The following TECRL variants were observed in gnomAD, a reference collection of about 807,000 sequenced individuals.
The protein encoded by TECRL is trans-2,3-enoyl-CoA reductase-like.
In TECRL, 63 loss-of-function variants were observed where a neutral mutation model predicts 52.8. The observed-to-expected ratio is 1.19, with a 90% CI of 0.97 to 1.47. The LOEUF is 1.47. Ranked by LOEUF, TECRL falls within the 40% of genes most tolerant of loss-of-function variation. The probability of loss-of-function intolerance (pLI) is 0.00; values close to 1 mark genes in which losing one functional copy is unlikely to be tolerated. For synonymous variants in TECRL, 164 were observed against 141.9 expected, an observed-to-expected ratio of 1.16 and a Z score of -1.10; for missense variants, 482 against 429.6, an observed-to-expected ratio of 1.12 and a Z score of -1.08.
chr4:64,404,723 G>C (rs1724592739), intron 1 of TECRL, among the ~76,000 whole-genome samples: 1 of 151,988 alleles, frequency 6.6e-6, no homozygotes, highest in Non-Finnish European at 1.5e-5. Flanking sequence ...TTTGTTTTCA[G>C]AATAAGCTGG....
intron 7 of TECRL, among the ~76,000 whole-genome samples, chr4:64,303,504 C>T (rs962145735): frequency 6.6e-6 from 1 of 151,686 alleles, no homozygotes; most frequent in Non-Finnish European, 1.5e-5. Context: ...TTACTGTTAT[C>T]TGTATCTATG....
intron 1 of TECRL, among the ~76,000 whole-genome samples, chr4:64,383,221 A>G (rs1241792436): frequency 6.6e-6 from 1 of 151,996 alleles, no homozygotes; most frequent in Non-Finnish European, 1.5e-5. Flanking sequence ...GATTTTTGAC[A>G]GTGTGATTAC....
intron 3 of TECRL, 85 bp downstream of exon 3, chr4:64,328,427 G>C (rs926653925): frequency 5.2e-6 from 6 of 1,147,460 alleles, no homozygotes; most frequent in Non-Finnish European, 7.7e-6. Flanking sequence ...TTGTATATTT[G>C]CAAAGTGATA....
At chr4:64,301,047 A>C (rs2109976282) in intron 7 of TECRL, among the ~76,000 whole-genome samples, 1 of 151,106 alleles carries the variant, frequency 6.6e-6, no homozygotes, top group East Asian at 1.9e-4. Context: ...TTGCATAGAT[A>C]TATATTCATA....
At chr4:64,373,063 A>C (rs939185778) in intron 2 of TECRL, among the ~76,000 whole-genome samples, 2 of 151,734 alleles carry the variant, frequency 1.3e-5, no homozygotes, top group African/African-American at 4.8e-5. Context: ...TCTTTCAAAA[A>C]TTGGCAAATA....
downstream of TECRL, among the ~76,000 whole-genome samples, chr4:64,277,430 T>C (rs1322648499): frequency 6.6e-6 from 1 of 151,920 alleles, no homozygotes; most frequent in East Asian, 1.9e-4. Context: ...TTAAATGATA[T>C]CATACAATTT....
At chr4:64,308,619 T>G (rs188793882) in intron 6 of TECRL, among the ~76,000 whole-genome samples, 1 of 152,180 alleles carries the variant, frequency 6.6e-6, no homozygotes, top group African/African-American at 2.4e-5. Flanking sequence ...AGAGCTTTTA[T>G]GTTGTTTAAT....
At chr4:64,292,363 A>G (rs1050469210) in intron 8 of TECRL, among the ~76,000 whole-genome samples, 1 of 152,014 alleles carries the variant, frequency 6.6e-6, no homozygotes, top group African/African-American at 2.4e-5. Flanking sequence ...ATTATCTTAC[A>G]TAATAAAACA....
intron 1 of TECRL, chr4:64,397,667 A>AT (rs1724048386): frequency 6.6e-6 from 1 of 151,900 alleles, no homozygotes; most frequent in Non-Finnish European, 1.5e-5. Flanking sequence ...TATGAGAAAT[A>AT]TTTTTTCTTT....
intron 2 of TECRL, among the ~76,000 whole-genome samples, chr4:64,338,553 C>T (rs1719304521): frequency 6.6e-6 from 1 of 151,986 alleles, no homozygotes; most frequent in South Asian, 2.1e-4. Context: ...GGCTTATATC[C>T]AGAATCTACA....
At chr4:64,310,792 A>T (rs1358786431) in intron 5 of TECRL, among the ~76,000 whole-genome samples, 1 of 152,042 alleles carries the variant, frequency 6.6e-6, no homozygotes, top group Non-Finnish European at 1.5e-5. Flanking sequence ...CAGTGGCATG[A>T]TCTCTCAGTC....
At chr4:64,385,731 A>G (rs1451406592) in intron 1 of TECRL, among the ~76,000 whole-genome samples, 1 of 152,070 alleles carries the variant, frequency 6.6e-6, no homozygotes, top group Non-Finnish European at 1.5e-5. Flanking sequence ...AGATGTGTGG[A>G]ACGCAATGTG....
chr4:64,298,095 G>A lies in TECRL; in HGVS notation c.774+1879C>T, dbSNP rs140533403. Among the ~76,000 whole-genome samples the A allele has an allele frequency of 9.0e-3, 1,364 of 150,886 alleles. 9 individuals are homozygous for A. The highest frequency in any genetic ancestry group is 0.014 in the Non-Finnish European group (935 of 67,204). On this transcript the variant is annotated intron_variant, in intron 8 of 11. Transcript: ENST00000381210. ...ATGCTATGTATAATTAAAAGCACAG[G>A]TTTTAATTATATTACTTTCAATATT...
At chr4:64,281,657 C>G in intron 9 of TECRL, 98 bp from the exon 10 acceptor site, 1 of 614,830 alleles carries the variant, frequency 1.6e-6, no homozygotes, top group Admixed American at 3.3e-5. Flanking sequence ...TAACTGTGTA[C>G]CACATGAAAT....
rs979694877 is a variant in TECRL at position 64,409,408 on chromosome 4, C to G, written c.-57G>C. 3.2e-6 allele frequency: 5 copies of G among 1,581,896 alleles called. No homozygotes were observed. Among genetic ancestry groups the G allele is most frequent in the Non-Finnish European group, 4.3e-6 (5 of 1,164,138 alleles). ...AAAAGTAGAAAATTGCAAGTGTGTT[C>G]CTTTTGCATCAGTTAAATACTGCTG... is the stretch of plus-strand genomic sequence containing the variant. On this transcript the variant is annotated 5_prime_UTR_variant, in exon 1 of 12. Transcript: ENST00000381210.
At chr4:64,367,285 C>A (rs1241214092) in intron 2 of TECRL, among the ~76,000 whole-genome samples, 1 of 152,022 alleles carries the variant, frequency 6.6e-6, no homozygotes, top group Non-Finnish European at 1.5e-5. Flanking sequence ...CTATTCGTTA[C>A]TATGTTCACA....
intron 1 of TECRL, 22 bp from the exon 2 acceptor site, chr4:64,375,245 A>C (rs1722315387): frequency 2.5e-5 from 32 of 1,271,436 alleles, no homozygotes; most frequent in Non-Finnish European, 3.3e-5. Flanking sequence ...AAGAAAATAG[A>C]GTTATTTTTA....
chr4:64,382,263 GTTATATATTATATATTATATTATA>G lies in TECRL; in HGVS notation c.235-7064_235-7041del, dbSNP rs1162189882. On this transcript the variant is annotated intron_variant, in intron 1 of 11. Coordinates refer to ENST00000381210, the MANE Select transcript of TECRL (RefSeq NM_001010874.5). ...ATTATGTATATATAATATATATTATGTTATATATTATATATTATATTATATTATATATTATACATTATATTATAT... is the reference window on the plus strand; with the variant it reads ...ATTATGTATATATAATATATATTATGTTATATATTATACATTATATTATAT... Among the ~76,000 whole-genome samples the G allele has an allele frequency of 2.9e-5, 4 of 137,512 alleles. No homozygotes were observed. The East Asian group carries it at 7.9e-4, about 27-fold the overall frequency. The allele number at this position is 137,512 out of a possible 152,430, so 90.2% of individuals were successfully genotyped here. A position where few individuals can be genotyped will look rare whatever the true frequency, so the allele number is the denominator to read the frequency against.
intron 2 of TECRL, among the ~76,000 whole-genome samples, chr4:64,362,694 G>A (rs554888048): frequency 1.3e-5 from 2 of 152,184 alleles, no homozygotes; most frequent in South Asian, 4.1e-4. Context: ...AAGTTCTTAA[G>A]GGAGTGCTAA....
Sources: gnomAD v4.1 joint callset for allele counts (sites outside exome capture counted in the v4.1 genomes callset) on GRCh38, gnomAD v4.1.1 for gene constraint, MANE v1.5 for transcripts, NCBI Gene and HGNC (gene_info 2026-07-23, HGNC 2026-07-21) for gene names.